The following PLXNB2 variants were observed in gnomAD, a reference collection of about 807,000 sequenced individuals.
PLXNB2 encodes the protein plexin-B2.
A neutral mutation model predicts 202.6 loss-of-function variants in PLXNB2; 85 were observed. The observed-to-expected ratio is 0.42, with a 90% CI of 0.35 to 0.50. The LOEUF (loss-of-function observed/expected upper bound fraction) is 0.50. Ranked by LOEUF, PLXNB2 falls within the 20% of genes least tolerant of loss-of-function variation. The pLI, the probability that PLXNB2 is intolerant of heterozygous loss-of-function variation, is 0.02. For missense variants in PLXNB2, 2,063 were observed against 2,586.2 expected (o/e 0.80, Z 4.39); for synonymous variants, 1,239 against 1,137.6 (o/e 1.09, Z -1.79).
intron 2 of PLXNB2, 53 bp downstream of exon 2, chr22:50,294,666 C>A: frequency 1.2e-6 from 1 of 829,760 alleles, no homozygotes; most frequent in Non-Finnish European, 1.5e-6. Flanking sequence ...CCTCCGGCCT[C>A]CCTGTCCACA....
chr22:50,305,222 C>A (rs1362842906), intron 1 of PLXNB2, among the ~76,000 whole-genome samples: 1 of 152,218 alleles, frequency 6.6e-6, no homozygotes, highest in East Asian at 1.9e-4. Context: ...CGGACGACGT[C>A]CTGGGATGGG....
intron 27 of PLXNB2, among the ~76,000 whole-genome samples, 190 bp downstream of exon 27, chr22:50,279,440 G>A (rs1046868289): frequency 2.6e-5 from 4 of 152,128 alleles, no homozygotes; most frequent in African/African-American, 4.8e-5. Flanking sequence ...CGCACACTTA[G>A]AGCCTCCAGA....
intron 18 of PLXNB2, 49 bp downstream of exon 18, chr22:50,282,662 G>T: frequency 7.3e-7 from 1 of 1,362,126 alleles, no homozygotes; most frequent in Non-Finnish European, 1.0e-6. Context: ...GCACTGAGGA[G>T]GCAGCTGGGT....
Position 50,290,521 on chromosome 22 carries a change from G to T in PLXNB2, c.64C>A (p.Pro22Thr). The T allele has an allele frequency of 6.2e-7, 1 of 1,612,400 alleles. No individual in the cohort carries two copies. The highest frequency in any genetic ancestry group is 1.7e-4 in the Middle Eastern group (1 of 5,910). The change falls in exon 3 of 37, where the codon CCC (proline) becomes ACC (threonine). Residue 22 changes from proline (P) to threonine (T), a missense_variant. Physicochemically the swap from Pro to Thr is conservative, Grantham distance 38. Transcript: ENST00000359337. The stretch of plus-strand genomic sequence containing the variant: ...CTGCGGAAGAAGTCCAGCTTGCGGG[G>T]CCTCAGGCTGGCACCTGCGCCCAGC... ...GLLGAGASLR[P>T]RKLDFFRSEK...
chr22:50,292,004 G>A (rs1204939161), intron 2 of PLXNB2, among the ~76,000 whole-genome samples: 1 of 152,204 alleles, frequency 6.6e-6, no homozygotes, highest in Non-Finnish European at 1.5e-5. Context: ...CCCTGCATAT[G>A]TCTCATCCCC....
At chr22:50,299,850 G>A (rs567496515) in intron 1 of PLXNB2, among the ~76,000 whole-genome samples, 2 of 152,276 alleles carry the variant, frequency 1.3e-5, no homozygotes, top group East Asian at 3.9e-4. Flanking sequence ...CCAAAGGCGG[G>A]CACCCGGCCT....
At chr22:50,294,328 A>G (rs1406199535) in intron 2 of PLXNB2, among the ~76,000 whole-genome samples, 1 of 152,196 alleles carries the variant, frequency 6.6e-6, no homozygotes, top group Non-Finnish European at 1.5e-5. Flanking sequence ...ACTTCCATCC[A>G]GACCAGGCCA....
At chr22:50,282,486 G>A (rs1276910116) in intron 18 of PLXNB2, 173 bp from the exon 19 acceptor site, 9 of 741,212 alleles carry the variant, frequency 1.2e-5, no homozygotes, top group South Asian at 1.9e-5. Context: ...AGACTGTGCC[G>A]CAAGTGGGCG....
At chr22:50,295,869 T>A (rs1410281040) in intron 1 of PLXNB2, among the ~76,000 whole-genome samples, 1 of 152,074 alleles carries the variant, frequency 6.6e-6, no homozygotes, top group Non-Finnish European at 1.5e-5. Context: ...TTTGGGAGGC[T>A]GAAGTGGGCG....
In PLXNB2 at chr22:50,290,386, C is replaced by T. The variant is rs758346334; in HGVS notation, c.199G>A (p.Val67Met). ...LDAKLQLEQQ[V>M]ATGPALDNKK... ...TTGTCCAGGGCCGGGCCCGTGGCCA[C>T]CTGCTGCTCCAGCTGCAGCTTCGCA... The change falls in exon 3 of 37, where the codon GTG (valine) becomes ATG (methionine). Residue 67 changes from valine (V) to methionine (M), a missense_variant. Val to Met is a conservative substitution (Grantham distance 21). Around this residue, in one of 2 missense-constraint regions of PLXNB2, gnomAD observed 1,303 missense variants for 1,476.8 expected, o/e 0.88. Transcript: ENST00000359337. 3 of 1,612,826 alleles carry T rather than the reference C, an allele frequency of 1.9e-6. No individual in the cohort carries two copies. In the African/African-American group the frequency reaches 4.0e-5, roughly 22 times the overall value.
Position 50,291,649 on chromosome 22 carries a change from C to G in PLXNB2, c.-13-1052G>C, listed in dbSNP as rs1309986925. Among the ~76,000 whole-genome samples the G allele has an allele frequency of 1.3e-5, 2 of 152,150 alleles. No homozygotes were observed. The highest frequency in any genetic ancestry group is 4.8e-5 in the African/African-American group (2 of 41,418). ...CACAAGTGGCAGAGACAGGGCCCTTCTGCCTCTGAGCTCTTCCTCAGGGTG... is the reference window on the plus strand; with the variant it reads ...CACAAGTGGCAGAGACAGGGCCCTTGTGCCTCTGAGCTCTTCCTCAGGGTG... On this transcript the variant is annotated intron_variant, in intron 2 of 36. Transcript: ENST00000359337. The surrounding 1 kb of genome is among the most constrained non-coding windows in gnomAD (Gnocchi z 4.3).
At position 50,283,989 on chromosome 22, in the gene PLXNB2, C is replaced by T. The variant is rs1448052657; in HGVS notation, c.2265G>A (p.Val755=). 1 of 1,539,786 alleles carries T rather than the reference C, an allele frequency of 6.5e-7. No individual in the cohort carries two copies. The highest frequency in any genetic ancestry group is 2.4e-5 in the East Asian group (1 of 41,178). Residue 755 remains valine, a splice_region_variant and synonymous_variant, in exon 14 of 37, where the codon GTG becomes GTA. Coordinates refer to ENST00000359337, the MANE Select transcript of PLXNB2 (RefSeq NM_012401.4). ...GGCCAAAGGAGCAGTTGTAGAGGGT[C>T]ACTGCGGGGAGAGCTGCCGTCAGTG... is the stretch of plus-strand genomic sequence containing the variant. ...YGKNIDSKLH[V]TLYNCSFGRS...
At chr22:50,281,014 G>C in intron 23 of PLXNB2, 41 bp from the exon 24 acceptor site, 1 of 1,601,824 alleles carries the variant, frequency 6.2e-7, no homozygotes, top group Non-Finnish European at 8.5e-7. Context: ...GCCACGTGGG[G>C]CCCTGACCCC....
rs58616888 is a variant in PLXNB2 at position 50,296,193 on chromosome 22, TACAC to T, written c.-73-1419_-73-1416del. ...GCCAGAGTGAGACTGTCTCAAAAAATACACACACACACACACACACACACACACA... is the reference window on the plus strand; with the variant it reads ...GCCAGAGTGAGACTGTCTCAAAAAATACACACACACACACACACACACACA... On this transcript the variant is annotated intron_variant, in intron 1 of 36. Transcript: ENST00000359337. Among the ~76,000 whole-genome samples, 193 of 139,422 alleles carry T rather than the reference TACAC, an allele frequency of 1.4e-3. 1 individual carries two copies. The highest frequency in any genetic ancestry group is 9.8e-3 in the East Asian group (46 of 4,712). 91.5% of individuals were successfully genotyped at this position (139,422 alleles called of 152,430 possible). A position where few individuals can be genotyped will look rare whatever the true frequency, so the allele number is the denominator to read the frequency against.
Position 50,287,660 on chromosome 22 carries a change from C to T in PLXNB2, c.1608+7G>A, listed in dbSNP as rs765188021. ...CCCAGGACCCCCACCCCAGACCCAC[C>T]ACGCACCTCCCCCTGGGCCCGCCGG... On this transcript the variant is annotated splice_region_variant and intron_variant, in intron 7 of 36. Transcript: ENST00000359337. 18 of 1,538,146 alleles carry T rather than the reference C, an allele frequency of 1.2e-5. No homozygotes were observed. In the Admixed American group the frequency reaches 3.3e-4, roughly 28 times the overall value.
rs1228093698 is a variant in PLXNB2, at chr22:50,281,530, C to T, written c.3523-31G>A. On this transcript the variant is annotated intron_variant, in intron 21 of 36. Coordinates refer to ENST00000359337, the MANE Select transcript of PLXNB2 (RefSeq NM_012401.4). ...TGGGGGGCCGGGTTCAGCGCGGTCC[C>T]GTGGGGGCACCCCCCGCCAGTCCCC... 22 of 1,606,310 alleles carry T rather than the reference C, an allele frequency of 1.4e-5. No individual in the cohort carries two copies. In the Admixed American group the frequency reaches 1.5e-4, roughly 11 times the overall value.
At position 50,280,794 on chromosome 22, in the gene PLXNB2, C is replaced by T; in HGVS notation, c.3943G>A (p.Ala1315Thr). The T allele has an allele frequency of 6.7e-7, 1 of 1,492,516 alleles. No homozygotes were observed. The highest frequency in any genetic ancestry group is 9.1e-7 in the Non-Finnish European group (1 of 1,104,966). 92.5% of individuals were successfully genotyped at this position (1,492,516 alleles called of 1,614,324 possible). Residue 1315 changes from alanine (A) to threonine (T), a missense_variant, in exon 24 of 37, where the codon GCC becomes ACC. Around this residue, in one of 2 missense-constraint regions of PLXNB2, gnomAD observed 760 missense variants for 1,109.4 expected, o/e 0.69. Transcript: ENST00000359337. ...AGCAGGTTGGAGAACTGGTAGAGGG[C>T]CTGCTCCACCACCGGCCGCCGCGGC... is the stretch of plus-strand genomic sequence containing the variant. ...PEPRRPVVEQ[A>T]LYQFSNLLNS... is the part of the protein sequence containing the mutation.
At chr22:50,278,413 C>T (rs763559236) in intron 30 of PLXNB2, 22 bp downstream of exon 30, 14 of 1,560,512 alleles carry the variant, frequency 9.0e-6, no homozygotes, top group African/African-American at 2.7e-5. Flanking sequence ...TGGAAGGAAA[C>T]GGGCAACAGG....
At chr22:50,283,269 A>C in intron 16 of PLXNB2, 68 bp downstream of exon 16, 1 of 1,606,838 alleles carries the variant, frequency 6.2e-7, no homozygotes, top group Non-Finnish European at 8.5e-7. Context: ...TGTCGTGGGG[A>C]GGCGGCGGGC....
Sources: allele counts gnomAD v4.1 joint callset (sites outside exome capture counted in the v4.1 genomes callset), GRCh38; gene constraint gnomAD v4.1.1; regional missense constraint gnomAD v4.1.1; non-coding constraint Gnocchi (gnomAD v3.1); transcripts MANE v1.5; gene names NCBI Gene and HGNC (gene_info 2026-07-23, HGNC 2026-07-21).